KANK1: variants seen among roughly 807,000 people sequenced by gnomAD.
The protein encoded by KANK1 is KN motif and ankyrin repeat domain-containing protein 1.
Under a neutral mutation model 106.2 loss-of-function variants are expected in KANK1, and 109 were observed. The ratio of observed to expected loss-of-function variants is 1.03; its 90% CI spans 0.88 to 1.20. KANK1 has a LOEUF of 1.20. KANK1 is among the 50% of genes most tolerant of loss of function. The probability of loss-of-function intolerance (pLI) is 0.00; values close to 1 mark genes in which losing one functional copy is unlikely to be tolerated. For missense variants in KANK1, 2,399 were observed against 1,710.7 expected (o/e 1.40, Z -7.10); for synonymous variants, 873 against 652.2 (o/e 1.34, Z -5.16).
At chr9:482,384 G>A (rs760463584) in intron 3 of KANK1, among the ~76,000 whole-genome samples, 9 of 152,178 alleles carry the variant, frequency 5.9e-5, no homozygotes, top group Non-Finnish European at 1.3e-4. Context: ...GGGGTACTAA[G>A]TGCCATCAGT....
At chr9:693,182 T>C (rs17432514) in intron 2 of KANK1, among the ~76,000 whole-genome samples, 27,333 of 152,108 alleles carry the variant, frequency 0.18, 2,830 homozygotes, top group Non-Finnish European at 0.23. Flanking sequence ...CGAATGGTGA[T>C]TGTTTTTAGC....
chr9:712,516 A>G lies in KANK1; in HGVS notation c.1750A>G (p.Arg584Gly), dbSNP rs751011745. The change falls in exon 3 of 12, where the codon AGG becomes GGG. Residue 584 changes from arginine to glycine, a missense_variant. Coordinates refer to ENST00000382297, the MANE Select transcript of KANK1 (RefSeq NM_015158.5). ...RVEMHDRCAG[R>G]SVEMCDKSVS... The stretch of plus-strand genomic sequence containing the variant: ...GGAAATGCATGACCGATGTGCTGGG[A>G]GGTCTGTGGAAATGTGTGACAAGAG... 6.2e-7 allele frequency: 1 copy of G among 1,614,018 alleles called. No individual in the cohort carries two copies. The highest frequency in any genetic ancestry group is 8.5e-7 in the Non-Finnish European group (1 of 1,180,020).
chr9:717,719 G>C (rs543968905), intron 3 of KANK1, among the ~76,000 whole-genome samples: 129 of 152,242 alleles, frequency 8.5e-4, no homozygotes, highest in African/African-American at 3.0e-3. Context: ...CAGTTGGATT[G>C]TTTTCGTTTG....
intron 1 of KANK1, among the ~76,000 whole-genome samples, chr9:600,061 ATAAT>A (rs1469131242): frequency 2.6e-5 from 4 of 151,882 alleles, no homozygotes; most frequent in Admixed American, 6.6e-5. Context: ...GGCATAACAC[ATAAT>A]TTACTATCTT....
chr9:529,844 C>G (rs1367578605), intron 1 of KANK1, among the ~76,000 whole-genome samples: 1 of 152,236 alleles, frequency 6.6e-6, no homozygotes, highest in African/African-American at 2.4e-5. Context: ...GTACTTCTCA[C>G]AGATGTTACT....
chr9:673,161 A>G (rs773303078), intron 1 of KANK1, among the ~76,000 whole-genome samples: 4 of 150,924 alleles, frequency 2.7e-5, no homozygotes, highest in Admixed American at 6.6e-5. Context: ...TTCTCTTTGC[A>G]CAGACACTGC....
chr9:743,335 C>CA (rs1836200132), intron 10 of KANK1, among the ~76,000 whole-genome samples: 2 of 152,202 alleles, frequency 1.3e-5, no homozygotes, highest in Admixed American at 1.3e-4. Flanking sequence ...CACACTCAGC[C>CA]ATCTCCACAG....
intron 1 of KANK1, among the ~76,000 whole-genome samples, chr9:625,672 C>A (rs1834170144): frequency 1.3e-5 from 2 of 152,058 alleles, no homozygotes; most frequent in Admixed American, 6.6e-5. Context: ...ACTGAAACAG[C>A]CCCCATAGAA....
At chr9:549,979 G>A (rs2061174207) in intron 1 of KANK1, among the ~76,000 whole-genome samples, 1 of 152,118 alleles carries the variant, frequency 6.6e-6, no homozygotes, top group Non-Finnish European at 1.5e-5. Flanking sequence ...ATACAAAGGA[G>A]AATTAACACT....
At chr9:504,043 G>A (rs113477480), upstream of KANK1, among the ~76,000 whole-genome samples, 15 of 152,130 alleles carry the variant, frequency 9.9e-5, no homozygotes, top group African/African-American at 3.6e-4. Context: ...TCTGGCCGCC[G>A]GGGCGACCGT....
chr9:733,381 A>G (rs981353913), intron 6 of KANK1: 3 of 152,224 alleles, frequency 2.0e-5, no homozygotes, highest in East Asian at 1.9e-4. Flanking sequence ...TTTTTAGTTT[A>G]TATTTCCAAG....
At chr9:673,137 A>G (rs1012294579) in intron 1 of KANK1, among the ~76,000 whole-genome samples, 10 of 151,600 alleles carry the variant, frequency 6.6e-5, no homozygotes, top group Non-Finnish European at 1.5e-4. Context: ...AAATCAATAC[A>G]CAATATACAA....
rs570615013 is a variant in KANK1 at position 716,653 on chromosome 9, T to G, written c.2698+3189T>G. Among the ~76,000 whole-genome samples, 4 of 152,320 alleles carry G rather than the reference T, an allele frequency of 2.6e-5. No homozygotes were observed. The East Asian group carries it at 7.7e-4, about 29-fold the overall frequency. ...GTTCATTTCTCCTAGAGTTGAAGAT[T>G]TGATGATGGTGTCACTTTTCAGTAT... On this transcript the variant is annotated intron_variant, in intron 3 of 11. Transcript: ENST00000382297.
rs920884540 is a variant in KANK1, at chr9:745,624, A to C, written c.*389A>C. On this transcript the variant is annotated 3_prime_UTR_variant, in exon 12 of 12. Transcript: ENST00000382297. ...ATGTACTAAATGTGGAACCATTAGA[A>C]AGTTCTTCCAAAATCTCATTCCAGC... The C allele has an allele frequency of 1.9e-5, 3 of 154,472 alleles. No individual in the cohort carries two copies. The highest frequency in any genetic ancestry group is 2.9e-5 in the Non-Finnish European group (2 of 69,644). 9.6% of individuals were successfully genotyped at this position (154,472 alleles called of 1,614,324 possible).
At chr9:661,271 T>C (rs62530112) in intron 1 of KANK1, among the ~76,000 whole-genome samples, 119,354 of 142,178 alleles carry the variant, frequency 0.84, 50,509 homozygotes, top group East Asian at 0.97. Flanking sequence ...CTATCCCTCC[T>C]CTCTTCCCCC....
At chr9:499,661 G>C in intron 3 of KANK1, among the ~76,000 whole-genome samples, 1 of 152,198 alleles carries the variant, frequency 6.6e-6, no homozygotes, top group East Asian at 1.9e-4. Context: ...TTAAAAACAG[G>C]AAAAGCCCTG....
chr9:516,176 C>T (rs1476101436), intron 1 of KANK1, among the ~76,000 whole-genome samples: 1 of 151,440 alleles, frequency 6.6e-6, no homozygotes, highest in African/African-American at 2.4e-5. Flanking sequence ...AAGACTATGT[C>T]CTGGGTCAGA....
Position 712,857 on chromosome 9 carries a change from C to T in KANK1, c.2091C>T (p.Asn697=), listed in dbSNP as rs34038073. 4.7e-5 allele frequency: 76 copies of T among 1,613,906 alleles called. No individual in the cohort carries two copies. The African/African-American group carries it at 9.2e-4, about 20-fold the overall frequency. Residue 697 remains asparagine, a synonymous_variant, in exon 3 of 12, where the codon AAC becomes AAT. Coordinates refer to ENST00000382297, the MANE Select transcript of KANK1 (RefSeq NM_015158.5). ...CCACCCTCATAGAGTCCTGCACCAA[C>T]ACTTGTCTAAGCACTTTGGACAAGC... ...ETATLIESCT[N]TCLSTLDKQT...
At chr9:572,057 T>C (rs1427506974) in intron 1 of KANK1, among the ~76,000 whole-genome samples, 1 of 152,140 alleles carries the variant, frequency 6.6e-6, no homozygotes, top group Non-Finnish European at 1.5e-5. Context: ...TTTCCTTTTT[T>C]AGGGCATTTC....
Sources: allele counts gnomAD v4.1 joint callset (sites outside exome capture counted in the v4.1 genomes callset), GRCh38; gene constraint gnomAD v4.1.1; transcripts MANE v1.5; gene names NCBI Gene and HGNC (gene_info 2026-07-23, HGNC 2026-07-21).